Variants in KCNU1 observed in about 807,000 individuals in gnomAD.
KCNU1 encodes the protein potassium channel subfamily U member 1.
Under a neutral mutation model 126.8 loss-of-function variants are expected in KCNU1, and 93 were observed. The ratio of observed to expected loss-of-function variants is 0.73; its 90% CI spans 0.62 to 0.87. KCNU1 has a LOEUF of 0.87. KCNU1 is among the 40% of genes least tolerant of loss of function. The probability of loss-of-function intolerance (pLI) is 0.00; values close to 1 mark genes in which losing one functional copy is unlikely to be tolerated. For missense variants in KCNU1, 1,330 were observed against 1,367.1 expected (o/e 0.97, Z 0.43); for synonymous variants, 523 against 494.2 (o/e 1.06, Z -0.77).
chr8:36,901,555 C>T (rs547669830), intron 19 of KCNU1, among the ~76,000 whole-genome samples: 2 of 152,212 alleles, frequency 1.3e-5, no homozygotes, highest in South Asian at 2.1e-4. Flanking sequence ...GAAAAGCAGT[C>T]ATCAGAAAGG....
In KCNU1 at chr8:36,786,616, A is replaced by G. The variant is rs184770892; in HGVS notation, c.196-690A>G. Among the ~76,000 whole-genome samples the G allele has an allele frequency of 4.0e-3, 615 of 152,298 alleles. 4 individuals are homozygous for G. The highest frequency in any genetic ancestry group is 0.014 in the African/African-American group (589 of 41,560). Reference sequence around the variant, plus strand: ...TTGTGGTGGTTCTAGACTATTATCAACAAACAATGAATGCCAGCTCAGGCC... The same window carrying G: ...TTGTGGTGGTTCTAGACTATTATCAGCAAACAATGAATGCCAGCTCAGGCC... On this transcript the variant is annotated intron_variant, in intron 1 of 26. Transcript: ENST00000399881.
At chr8:36,862,375 T>C (rs1805763441) in intron 18 of KCNU1, among the ~76,000 whole-genome samples, 1 of 152,214 alleles carries the variant, frequency 6.6e-6, no homozygotes, top group Admixed American at 6.5e-5. Context: ...GCAACTTCTT[T>C]GTCTGCCTTA....
intron 21 of KCNU1, among the ~76,000 whole-genome samples, chr8:36,909,847 G>A (rs954563482): frequency 6.6e-5 from 10 of 152,104 alleles, no homozygotes; most frequent in African/African-American, 9.7e-5. Context: ...CATGTTTTAC[G>A]GTCTTTGTAC....
chr8:36,833,560 T>C lies in KCNU1; in HGVS notation c.1113T>C (p.Pro371=). 1 of 1,603,944 alleles carries C rather than the reference T, an allele frequency of 6.2e-7. No individual in the cohort carries two copies. Among genetic ancestry groups the C allele is most frequent in the East Asian group, 2.2e-5 (1 of 44,650 alleles). The change falls in exon 11 of 27, where the codon CCT becomes CCC. Residue 371 remains proline (P), a synonymous_variant. Transcript: ENST00000399881. ...NTEIVFLGET[P]PSLELETIFK... ...CACGTTCTTTTTTGTCCAGAACCCC[T>C]CCTTCTTTGGAACTTGAAACCATAT...
At chr8:36,843,878 T>A (rs372424676) in intron 16 of KCNU1, among the ~76,000 whole-genome samples, 1 of 152,196 alleles carries the variant, frequency 6.6e-6, no homozygotes, top group East Asian at 1.9e-4. Flanking sequence ...CTTACTGTAA[T>A]GATTTTGTTC....
intron 18 of KCNU1, among the ~76,000 whole-genome samples, chr8:36,855,477 A>C (rs1805496320): frequency 6.6e-6 from 1 of 152,154 alleles, no homozygotes; most frequent in Non-Finnish European, 1.5e-5. Flanking sequence ...GCTTTTGAAG[A>C]ACTGTATTTC....
At chr8:36,817,315 C>T (rs1333439428) in intron 9 of KCNU1, among the ~76,000 whole-genome samples, 1 of 151,726 alleles carries the variant, frequency 6.6e-6, no homozygotes, top group African/African-American at 2.4e-5. Flanking sequence ...GCCTGACCAA[C>T]ATGGAGAAAT....
At chr8:36,868,468 A>G (rs902171499) in intron 19 of KCNU1, among the ~76,000 whole-genome samples, 2 of 152,082 alleles carry the variant, frequency 1.3e-5, no homozygotes, top group Non-Finnish European at 2.9e-5. Flanking sequence ...AAAGCAACAT[A>G]TTATTATTTA....
chr8:36,905,506 G>A lies in KCNU1; in HGVS notation c.2010-202G>A, dbSNP rs1356517509. Among the ~76,000 whole-genome samples the A allele has an allele frequency of 2.0e-5, 3 of 149,912 alleles. No homozygotes were observed. The South Asian group carries it at 6.3e-4, about 32-fold the overall frequency. On this transcript the variant is annotated intron_variant, in intron 19 of 26. Coordinates refer to ENST00000399881, the MANE Select transcript of KCNU1 (RefSeq NM_001031836.3). ...ATGTGGCTTTTGCCCAAAATGCTTAGAGTGTCTTCAACTATGATACAGTCT... is the reference window on the plus strand; with the variant it reads ...ATGTGGCTTTTGCCCAAAATGCTTAAAGTGTCTTCAACTATGATACAGTCT...
At position 36,930,938 on chromosome 8, in the gene KCNU1, C is replaced by G. The variant is rs371671113; in HGVS notation, c.2737-13C>G. 57 of 1,586,612 alleles carry G rather than the reference C, an allele frequency of 3.6e-5. No homozygotes were observed. In the East Asian group the frequency reaches 1.1e-3, roughly 30 times the overall value. ...TCTTCTGACTTTGCATGTGGCTTGTCCTTGTTTTCCAGGCCTTCTACAATT... is the reference window on the plus strand; with the variant it reads ...TCTTCTGACTTTGCATGTGGCTTGTGCTTGTTTTCCAGGCCTTCTACAATT... On this transcript the variant is annotated splice_polypyrimidine_tract_variant and intron_variant, in intron 24 of 26. Coordinates refer to ENST00000399881, the MANE Select transcript of KCNU1 (RefSeq NM_001031836.3).
Position 36,804,038 on chromosome 8 carries a change from C to T in KCNU1, c.327C>T (p.Val109=), listed in dbSNP as rs751570044. The T allele has an allele frequency of 1.3e-6, 2 of 1,556,880 alleles. No individual in the cohort carries two copies. The highest frequency in any genetic ancestry group is 1.7e-6 in the Non-Finnish European group (2 of 1,147,046). The change falls in exon 3 of 27, where the codon GTC becomes GTT. Residue 109 remains valine, a synonymous_variant. Coordinates refer to ENST00000399881, the MANE Select transcript of KCNU1 (RefSeq NM_001031836.3). ...TTTTTCATTTTCAGGTGATCCTTGT[C>T]TTTGTACTAAGCATTGGGTCTCTTA... ...TFVGQVLVIL[V]FVLSIGSLII...
intron 22 of KCNU1, among the ~76,000 whole-genome samples, chr8:36,916,231 C>CAAAG (rs1242428383): frequency 4.5e-5 from 5 of 109,948 alleles, no homozygotes; most frequent in African/African-American, 1.4e-4. Flanking sequence ...AAAGGGAAGG[C>CAAAG]AAAGAAAGGA....
At chr8:36,884,340 TA>T (rs1361650822) in intron 19 of KCNU1, among the ~76,000 whole-genome samples, 1 of 152,214 alleles carries the variant, frequency 6.6e-6, no homozygotes, top group Non-Finnish European at 1.5e-5. Context: ...ACATATGTCA[TA>T]AATCACATCA....
At chr8:36,840,747 C>G (rs1023299655) in intron 15 of KCNU1, among the ~76,000 whole-genome samples, 172 bp downstream of exon 15, 1 of 152,226 alleles carries the variant, frequency 6.6e-6, no homozygotes, top group Non-Finnish European at 1.5e-5. Flanking sequence ...AATTTCATCT[C>G]TGTCCCAGTT....
chr8:36,833,736 A>C, intron 11 of KCNU1, 77 bp downstream of exon 11: 1 of 818,020 alleles, frequency 1.2e-6, no homozygotes. Flanking sequence ...ATTGCTTTTT[A>C]AAAAAGGTAT....
intron 24 of KCNU1, chr8:36,923,000 C>T (rs1808416851): frequency 2.2e-6 from 1 of 464,814 alleles, no homozygotes; most frequent in East Asian, 6.7e-5. Flanking sequence ...GGAAATTGGC[C>T]ATAAAGGGAT....
At chr8:36,893,983 A>G (rs375752726) in intron 19 of KCNU1, among the ~76,000 whole-genome samples, 3 of 152,188 alleles carry the variant, frequency 2.0e-5, no homozygotes, top group Admixed American at 6.5e-5. Flanking sequence ...CTAACTTGAC[A>G]CTTTTAATCT....
chr8:36,795,331 A>G (rs892102986), intron 2 of KCNU1: 1 of 152,446 alleles, frequency 6.6e-6, no homozygotes, highest in Admixed American at 6.5e-5. Flanking sequence ...ACTGACCCTG[A>G]TTGCAGATAC....
intron 19 of KCNU1, among the ~76,000 whole-genome samples, chr8:36,901,796 G>T (rs1005189926): frequency 6.6e-6 from 1 of 152,054 alleles, no homozygotes; most frequent in African/African-American, 2.4e-5. Context: ...AACACATCCT[G>T]CTGAAGGCCA....
Sources: allele counts gnomAD v4.1 joint callset (sites outside exome capture counted in the v4.1 genomes callset), GRCh38; gene constraint gnomAD v4.1.1; transcripts MANE v1.5; gene names NCBI Gene and HGNC (gene_info 2026-07-23, HGNC 2026-07-21).